NBPF12: variants seen among roughly 807,000 people sequenced by gnomAD.
The protein encoded by NBPF12 is NBPF family member NBPF12.
A neutral mutation model predicts 146.4 loss-of-function variants in NBPF12; 115 were observed. The observed-to-expected ratio is 0.79, with a 90% CI of 0.68 to 0.92. NBPF12 has a LOEUF of 0.92. Among genes scored for constraint, NBPF12 ranks in the 40% least tolerant of loss-of-function variants. The probability of loss-of-function intolerance (pLI) is 0.00; values close to 1 mark genes in which losing one functional copy is unlikely to be tolerated. For missense variants in NBPF12, 1,205 were observed against 1,326.8 expected (o/e 0.91, Z 1.43); for synonymous variants, 385 against 508.9 (o/e 0.76, Z 3.28).
intron 7 of NBPF12, 54 bp downstream of exon 10, chr1:146,964,483 A>G (rs1553885257): frequency 9.4e-6 from 15 of 1,592,402 alleles, no homozygotes; most frequent in South Asian, 3.3e-5. Flanking sequence ...GAAAATGTCT[A>G]GAAGGCACAC....
At chr1:146,960,751 C>T (rs1655795804) in intron 4 of NBPF12, among the ~76,000 whole-genome samples, 1 of 151,956 alleles carries the variant, frequency 6.6e-6, no homozygotes, top group African/African-American at 2.4e-5. Context: ...TCTAGTGACT[C>T]TGAGGGGAAC....
chr1:146,945,468 C>T (rs1406547768), upstream of NBPF12, among the ~76,000 whole-genome samples: 3 of 151,792 alleles, frequency 2.0e-5, no homozygotes, highest in Admixed American at 6.6e-5. Context: ...TAGCTGTGTT[C>T]CGGGGGCACC....
chr1:146,967,822 A>C (rs1656303656), intron 9 of NBPF12, among the ~76,000 whole-genome samples: 1 of 151,096 alleles, frequency 6.6e-6, no homozygotes, highest in Non-Finnish European at 1.5e-5. Flanking sequence ...TTATTGGCAC[A>C]GAGTAAACAC....
intron 13 of NBPF12, among the ~76,000 whole-genome samples, chr1:146,972,176 C>T (rs1192675237): frequency 1.3e-5 from 2 of 150,740 alleles, no homozygotes; most frequent in African/African-American, 4.9e-5. Context: ...AGGTGGAACA[C>T]CTGAGGTCAG....
chr1:146,946,714 C>T (rs1655092288), upstream of NBPF12, among the ~76,000 whole-genome samples: 2 of 148,646 alleles, frequency 1.3e-5, no homozygotes, highest in African/African-American at 5.0e-5. Flanking sequence ...AATTTTTTTT[C>T]ATTAGTAGAT....
At chr1:146,971,341 T>C (rs1185452379) in exon 13 of NBPF12, 2 of 1,611,836 alleles carry the variant, frequency 1.2e-6, no homozygotes, top group Non-Finnish European at 1.7e-6. Flanking sequence ...TCTCTGGTTG[T>C]AGACAGAGAA....
chr1:146,983,029 C>T, exon 20 of NBPF12: 2 of 1,608,626 alleles, frequency 1.2e-6, no homozygotes, highest in Non-Finnish European at 1.7e-6. Flanking sequence ...TCATACCAGT[C>T]TTACAGCAGC....
At chr1:146,965,788 T>C (rs1656154020) in intron 8 of NBPF12, among the ~76,000 whole-genome samples, 1 of 18,494 alleles carries the variant, frequency 5.4e-5, no homozygotes, top group Admixed American at 9.3e-4. Flanking sequence ...CGAGACTGCA[T>C]CTCAAAAAAA....
chr1:146,981,332 A>G (rs1263042310), intron 19 of NBPF12, among the ~76,000 whole-genome samples: 3 of 145,286 alleles, frequency 2.1e-5, no homozygotes, highest in African/African-American at 5.1e-5. Flanking sequence ...CACAAAAAAT[A>G]ATAAAGGAAA....
chr1:146,972,789 G>A, exon 14 of NBPF12: 1 of 1,287,348 alleles, frequency 7.8e-7, no homozygotes, highest in Non-Finnish European at 1.1e-6. Flanking sequence ...CGTCAGCATG[G>A]TGGTATCAGC....
chr1:146,960,885 C>G (rs1655805511), intron 4 of NBPF12, among the ~76,000 whole-genome samples: 1 of 152,116 alleles, frequency 6.6e-6, no homozygotes, highest in East Asian at 1.9e-4. Context: ...GCATGGCTCA[C>G]TCCTGTAATC....
chr1:146,948,413 G>A (rs1253221725), upstream of NBPF12, among the ~76,000 whole-genome samples: 7 of 151,650 alleles, frequency 4.6e-5, no homozygotes, highest in Admixed American at 6.6e-5. Context: ...AAATTCTTTT[G>A]CCTTGAGACG....
At chr1:146,964,666 C>T (rs1321696547) in intron 7 of NBPF12, among the ~76,000 whole-genome samples, 44 of 152,052 alleles carry the variant, frequency 2.9e-4, no homozygotes, top group South Asian at 4.2e-4. Flanking sequence ...CAGCTCCTAT[C>T]TGTCCAGTGC....
upstream of NBPF12, among the ~76,000 whole-genome samples, chr1:146,944,855 A>G (rs1342072968): frequency 7.9e-6 from 1 of 126,836 alleles, no homozygotes; most frequent in Non-Finnish European, 1.6e-5. Flanking sequence ...TCTCTCTCTC[A>G]TTCTTTCCCT....
rs1461980403 is a variant in NBPF12, at chr1:146,971,224, C to T, written c.1421C>T (p.Ser474Leu). The T allele has an allele frequency of 1.2e-5, 20 of 1,612,028 alleles. No homozygotes were observed. In the Middle Eastern group the frequency reaches 7.1e-4, roughly 57 times the overall value. Residue 474 changes from serine to leucine, a missense_variant, in exon 13 of 34, where the codon TCA (serine) becomes TTA (leucine). By Grantham distance (145) the Ser-to-Leu change is moderately radical (BLOSUM62 -2). Coordinates refer to ENST00000617844, the Ensembl canonical transcript of NBPF12. ...GAAGAAAGCAAAGTCCCTGAGGACT[C>T]ACTGGAGGAATGTGCCATCACTTGT...
chr1:146,994,249 C>G (rs1658380362), intron 33 of NBPF12, 83 bp from the exon 37 acceptor site: 2 of 1,610,044 alleles, frequency 1.2e-6, no homozygotes, highest in Non-Finnish European at 1.7e-6. Flanking sequence ...TAACCACTTC[C>G]TTATGTTACT....
chr1:146,939,338 G>A (rs1487016736), intron 1 of NBPF12, among the ~76,000 whole-genome samples: 1 of 152,032 alleles, frequency 6.6e-6, no homozygotes, highest in Non-Finnish European at 1.5e-5. Flanking sequence ...GTTCCTTCTG[G>A]GAACTTGGGC....
At chr1:146,948,709 T>C, upstream of NBPF12, among the ~76,000 whole-genome samples, 1 of 152,028 alleles carries the variant, frequency 6.6e-6, no homozygotes, top group South Asian at 2.1e-4. Context: ...AAGACCTGAC[T>C]GTCCCCCAGC....
exon 8 of NBPF12, chr1:146,964,948 G>T (rs1163491573): frequency 7.5e-6 from 12 of 1,608,196 alleles, no homozygotes; most frequent in Middle Eastern, 2.1e-4. Context: ...GGAGGAATGT[G>T]CCATCACTTG....
Sources: gnomAD v4.1 joint callset for allele counts (sites outside exome capture counted in the v4.1 genomes callset) on GRCh38, gnomAD v4.1.1 for gene constraint, MANE v1.5 for transcripts, NCBI Gene and HGNC (gene_info 2026-07-23, HGNC 2026-07-21) for gene names.